The following USP32 variants were observed in gnomAD, a reference collection of about 807,000 sequenced individuals.
USP32 encodes the protein ubiquitin specific peptidase 32, also known as ubiquitin carboxyl-terminal hydrolase 32.
In USP32, 59 loss-of-function variants were observed where a neutral mutation model predicts 204.8. That is an observed-to-expected ratio of 0.29 (90% CI 0.23 to 0.36). The LOEUF (loss-of-function observed/expected upper bound fraction) is 0.36, where lower values mean the gene tolerates loss of function less well. USP32 is among the 10% of genes least tolerant of loss of function. USP32 has a pLI of 1.00. For synonymous variants in USP32, 517 were observed against 678.4 expected (o/e 0.76, Z 3.70); for missense variants, 1,160 against 1,946.4 (o/e 0.60, Z 7.60).
Position 60,198,410 on chromosome 17 carries a change from T to C in USP32, c.3284A>G (p.Lys1095Arg). 1 of 1,614,196 alleles carries C rather than the reference T, an allele frequency of 6.2e-7. No individual in the cohort carries two copies. Among genetic ancestry groups the C allele is most frequent in the South Asian group, 1.1e-5 (1 of 91,072 alleles). Reference sequence around the variant, plus strand: ...CATTCCAAAGAGGCTGGGGCGATTCTTCTGAGATGACAGGAAATACAGTTC... The same window carrying C: ...CATTCCAAAGAGGCTGGGGCGATTCCTCTGAGATGACAGGAAATACAGTTC... ...RTELYFLSSQ[K>R]NRPSLFGMPL... Residue 1095 changes from lysine to arginine, a missense_variant, in exon 27 of 34, where the codon AAG becomes AGG. Physicochemically the swap from Lys to Arg is conservative, Grantham distance 26. Transcript: ENST00000300896.
intron 12 of USP32, among the ~76,000 whole-genome samples, chr17:60,229,610 A>G (rs1300489952): frequency 1.3e-5 from 2 of 152,206 alleles, no homozygotes; most frequent in African/African-American, 4.8e-5. Context: ...ACCATTTTGA[A>G]AGAGTAACAG....
intron 12 of USP32, among the ~76,000 whole-genome samples, chr17:60,227,517 G>A (rs562050638): frequency 5.9e-5 from 9 of 151,760 alleles, no homozygotes; most frequent in East Asian, 1.9e-4. Flanking sequence ...TTATCTGCCC[G>A]CCTGGGCCTC....
chr17:60,358,505 T>C (rs756087533), intron 1 of USP32, among the ~76,000 whole-genome samples: 37 of 151,884 alleles, frequency 2.4e-4, no homozygotes, highest in Non-Finnish European at 5.1e-4. Context: ...ACCCAGTAGG[T>C]AGAGGCTGCA....
intron 5 of USP32, among the ~76,000 whole-genome samples, chr17:60,276,118 C>A (rs906098721): frequency 2.0e-5 from 3 of 152,060 alleles, no homozygotes; most frequent in African/African-American, 7.2e-5. Context: ...GTGGCTCACA[C>A]CTATAATCCC....
intron 1 of USP32, among the ~76,000 whole-genome samples, chr17:60,420,229 G>T (rs2090099554): frequency 6.6e-6 from 1 of 151,728 alleles, no homozygotes; most frequent in South Asian, 2.1e-4. Flanking sequence ...CCTGATCTCA[G>T]GTGACCCACC....
intron 2 of USP32, among the ~76,000 whole-genome samples, chr17:60,322,786 T>G (rs1480593869): frequency 6.6e-6 from 1 of 152,174 alleles, no homozygotes; most frequent in East Asian, 1.9e-4. Context: ...TTAACATTCT[T>G]CAAAGCACTA....
intron 11 of USP32, among the ~76,000 whole-genome samples, chr17:60,237,836 T>G (rs2085773068): frequency 6.6e-6 from 1 of 152,236 alleles, no homozygotes; most frequent in Non-Finnish European, 1.5e-5. Flanking sequence ...CATCCACTGA[T>G]GGATGTATAG....
chr17:60,217,977 A>T (rs1446235189), intron 16 of USP32, among the ~76,000 whole-genome samples: 2 of 151,746 alleles, frequency 1.3e-5, no homozygotes, highest in Non-Finnish European at 2.9e-5. Flanking sequence ...GCTTCAAATG[A>T]TCTTCCTCCC....
intron 12 of USP32, among the ~76,000 whole-genome samples, chr17:60,233,596 T>C (rs1484840944): frequency 6.6e-6 from 1 of 152,212 alleles, no homozygotes; most frequent in Admixed American, 6.5e-5. Context: ...TGTCACTTTT[T>C]TAAAAAGGTT....
chr17:60,358,580 AC>A (rs1345244762), intron 1 of USP32, among the ~76,000 whole-genome samples: 6 of 152,162 alleles, frequency 3.9e-5, no homozygotes, highest in South Asian at 2.1e-4. Flanking sequence ...TCTCAAAAAA[AC>A]ATAATAAAAA....
At chr17:60,306,595 A>G (rs1250356553) in intron 2 of USP32, among the ~76,000 whole-genome samples, 1 of 151,956 alleles carries the variant, frequency 6.6e-6, no homozygotes, top group East Asian at 1.9e-4. Context: ...CCAAGATTGC[A>G]CCACTGCACT....
intron 7 of USP32, among the ~76,000 whole-genome samples, chr17:60,268,582 CAAAAAAAAAAA>C (rs57060420): frequency 0.013 from 607 of 45,480 alleles, 8 homozygotes; most frequent in Middle Eastern, 0.058. Context: ...GACCCTGTCT[CAAAAAAAAAAA>C]AAAAAAAAAA....
chr17:60,333,810 T>C (rs1598258140), intron 2 of USP32, among the ~76,000 whole-genome samples: 2 of 152,294 alleles, frequency 1.3e-5, no homozygotes, highest in South Asian at 4.1e-4. Flanking sequence ...TAAGTTTATG[T>C]CATCTGTTTA....
intron 1 of USP32, among the ~76,000 whole-genome samples, chr17:60,367,336 T>C (rs2089337861): frequency 6.6e-6 from 1 of 152,090 alleles, no homozygotes; most frequent in Non-Finnish European, 1.5e-5. Context: ...AATGAGACCT[T>C]GTCTCTACTA....
chr17:60,336,156 T>C lies in USP32; in HGVS notation c.186+9325A>G, dbSNP rs1171206456. Among the ~76,000 whole-genome samples, 2 of 143,188 alleles carry C rather than the reference T, an allele frequency of 1.4e-5. 1 individual carries two copies. The highest frequency in any genetic ancestry group is 6.0e-5 in the African/African-American group (2 of 33,566). 93.9% of individuals were successfully genotyped at this position (143,188 alleles called of 152,430 possible). On this transcript the variant is annotated intron_variant, in intron 2 of 33. Transcript: ENST00000300896. ...TAGAACATCCATAATCTATGTAATG[T>C]TCTTGATGTAAAGTTTTCTACAAGG...
intron 16 of USP32, among the ~76,000 whole-genome samples, chr17:60,219,348 T>C (rs544900991): frequency 1.6e-4 from 24 of 152,240 alleles, no homozygotes; most frequent in African/African-American, 5.8e-4. Context: ...AAATAAAGCA[T>C]GTAAAATCTA....
chr17:60,422,033 G>T, intron 1 of USP32: 7 of 835,558 alleles, frequency 8.4e-6, no homozygotes, highest in Non-Finnish European at 1.0e-5. Context: ...CCAGCACCCA[G>T]CACGGAGGGC....
chr17:60,203,625 G>A (rs1180477053), intron 26 of USP32, among the ~76,000 whole-genome samples: 1 of 151,864 alleles, frequency 6.6e-6, no homozygotes, highest in Non-Finnish European at 1.5e-5. Flanking sequence ...CGCCCAGGCT[G>A]GAGTGCAATG....
At chr17:60,215,125 A>C in intron 16 of USP32, among the ~76,000 whole-genome samples, 1 of 152,046 alleles carries the variant, frequency 6.6e-6, no homozygotes, top group East Asian at 1.9e-4. Flanking sequence ...ACGCCACCAC[A>C]TCTGGCTAAT....
Sources: gnomAD v4.1 joint callset for allele counts (sites outside exome capture counted in the v4.1 genomes callset) on GRCh38, gnomAD v4.1.1 for gene constraint, MANE v1.5 for transcripts, NCBI Gene and HGNC (gene_info 2026-07-23, HGNC 2026-07-21) for gene names.